GALNT1: variants seen among roughly 807,000 people sequenced by gnomAD.
GALNT1 encodes polypeptide N-acetylgalactosaminyltransferase 1.
A neutral mutation model predicts 65.7 loss-of-function variants in GALNT1; 17 were observed. The observed-to-expected ratio is 0.26, with a 90% CI of 0.18 to 0.39. The LOEUF is 0.39. GALNT1 is among the 10% of genes least tolerant of loss of function. The pLI, the probability that GALNT1 is intolerant of heterozygous loss-of-function variation, is 1.00. For synonymous variants in GALNT1, 210 were observed against 219.7 expected (o/e 0.96, Z 0.39); for missense variants, 460 against 672.8 (o/e 0.68, Z 3.50).
At chr18:35,630,095 A>T (rs1475597004) in intron 1 of GALNT1, among the ~76,000 whole-genome samples, 1 of 152,178 alleles carries the variant, frequency 6.6e-6, no homozygotes, top group Non-Finnish European at 1.5e-5. Context: ...CTCCCACGCA[A>T]TAATAATGGG....
intron 2 of GALNT1, among the ~76,000 whole-genome samples, chr18:35,660,263 T>G (rs1568026318): frequency 6.6e-6 from 1 of 151,796 alleles, no homozygotes; most frequent in Non-Finnish European, 1.5e-5. Context: ...GAAACACACA[T>G]AAGAAATTTG....
intron 5 of GALNT1, among the ~76,000 whole-genome samples, chr18:35,686,231 GAGAA>G (rs1036728117): frequency 6.6e-6 from 1 of 152,138 alleles, no homozygotes; most frequent in African/African-American, 2.4e-5. Flanking sequence ...AATCTTGAGA[GAGAA>G]ATGGATAGGA....
chr18:35,589,358 A>T (rs2046416840), intron 1 of GALNT1, among the ~76,000 whole-genome samples: 1 of 152,086 alleles, frequency 6.6e-6, no homozygotes, highest in Non-Finnish European at 1.5e-5. Flanking sequence ...AGTCTAGGCT[A>T]CCCACCTGAC....
chr18:35,628,920 G>A (rs112492780), intron 1 of GALNT1, among the ~76,000 whole-genome samples: 4 of 152,178 alleles, frequency 2.6e-5, no homozygotes, highest in Admixed American at 6.5e-5. Context: ...CATGACGAAT[G>A]CGCAAGCTTC....
At chr18:35,697,370 A>G (rs1184660932) in intron 9 of GALNT1, among the ~76,000 whole-genome samples, 1 of 152,184 alleles carries the variant, frequency 6.6e-6, no homozygotes, top group African/African-American at 2.4e-5. Flanking sequence ...GGGGAGAAGG[A>G]GGTAGATTTT....
intron 3 of GALNT1, among the ~76,000 whole-genome samples, chr18:35,673,364 G>C (rs1014804780): frequency 6.6e-6 from 1 of 152,162 alleles, no homozygotes. Flanking sequence ...AGCAGTATAA[G>C]TTTTATCATA....
intron 1 of GALNT1, among the ~76,000 whole-genome samples, chr18:35,606,537 T>C (rs1239476454): frequency 1.3e-5 from 2 of 152,156 alleles, no homozygotes; most frequent in Non-Finnish European, 1.5e-5. Context: ...TAATTAGAAG[T>C]CCTCAGAGAA....
intron 1 of GALNT1, among the ~76,000 whole-genome samples, chr18:35,625,332 T>C (rs1384729275): frequency 1.3e-5 from 2 of 152,026 alleles, no homozygotes; most frequent in Admixed American, 1.3e-4. Flanking sequence ...AGGGAACCAA[T>C]AAAGAAGACT....
At chr18:35,650,307 GTCACAGAGTTCACATGCT>G (rs1187243101) in intron 1 of GALNT1, among the ~76,000 whole-genome samples, 2 of 152,122 alleles carry the variant, frequency 1.3e-5, no homozygotes, top group African/African-American at 2.4e-5. Flanking sequence ...TAGGGTGTGG[GTCACAGAGTTCACATGCT>G]TCACAAGGTA....
chr18:35,603,611 A>G (rs2046608827), intron 1 of GALNT1, among the ~76,000 whole-genome samples: 1 of 152,182 alleles, frequency 6.6e-6, no homozygotes, highest in Non-Finnish European at 1.5e-5. Context: ...TTACCTTCCC[A>G]AGACTTGTGG....
chr18:35,609,217 A>G (rs2046687137), intron 1 of GALNT1, among the ~76,000 whole-genome samples: 1 of 152,148 alleles, frequency 6.6e-6, no homozygotes, highest in Admixed American at 6.6e-5. Context: ...TGTCTTTAGA[A>G]AGTTGGTCTT....
At position 35,639,421 on chromosome 18, in the gene GALNT1, G is replaced by T. The variant is rs568726174; in HGVS notation, c.-103-15139G>T. Among the ~76,000 whole-genome samples, 3 of 152,282 alleles carry T rather than the reference G, an allele frequency of 2.0e-5. No homozygotes were observed. In the South Asian group the frequency reaches 6.2e-4, roughly 32 times the overall value. On this transcript the variant is annotated intron_variant, in intron 1 of 11. Transcript: ENST00000269195. ...ATACATTACTTTTAAAGACAATGCT[G>T]TTGCGTACACACTGCTGTATAGTAT... is the stretch of plus-strand genomic sequence containing the variant.
chr18:35,693,140 A>AGGAAGTTGAAAGAGTAC (rs528244051), intron 9 of GALNT1, among the ~76,000 whole-genome samples: 2 of 152,192 alleles, frequency 1.3e-5, no homozygotes, highest in Non-Finnish European at 2.9e-5. Context: ...GTTTTATGTA[A>AGGAAGTTGAAAGAGTAC]GGAAGTTGAA....
chr18:35,698,925 T>C (rs763963565), intron 9 of GALNT1, among the ~76,000 whole-genome samples: 1 of 152,132 alleles, frequency 6.6e-6, no homozygotes, highest in Non-Finnish European at 1.5e-5. Context: ...GAGGTTGCAG[T>C]GAGCCGATGT....
Position 35,636,192 on chromosome 18 carries a change from C to T in GALNT1, c.-103-18368C>T, listed in dbSNP as rs77247752. Among the ~76,000 whole-genome samples, 1,422 of 152,220 alleles carry T rather than the reference C, an allele frequency of 9.3e-3. 22 individuals carry two copies. Among genetic ancestry groups the T allele is most frequent in the African/African-American group, 0.033 (1,355 of 41,530 alleles). On this transcript the variant is annotated intron_variant, in intron 1 of 11. Transcript: ENST00000269195. ...TAGATTCCCATATTTTTCCTTATTG[C>T]AGAACTTTACAGACCCTTTAGTAGG... is the stretch of plus-strand genomic sequence containing the variant.
chr18:35,598,556 T>C (rs1441185861), intron 1 of GALNT1, among the ~76,000 whole-genome samples: 2 of 152,242 alleles, frequency 1.3e-5, no homozygotes, highest in African/African-American at 4.8e-5. Flanking sequence ...TTGAAAATGA[T>C]AGGATTTCAT....
chr18:35,581,108 G>A (rs1039579417), upstream of GALNT1: 9 of 152,118 alleles, frequency 5.9e-5, no homozygotes, highest in Non-Finnish European at 1.3e-4. Flanking sequence ...GGCCGCCTCA[G>A]GCAGCCGACC....
chr18:35,637,051 A>G lies in GALNT1; in HGVS notation c.-103-17509A>G, dbSNP rs528368561. 2.6e-5 allele frequency among the ~76,000 whole-genome samples: 4 copies of G among 152,146 alleles called. No homozygotes were observed. In the South Asian group the frequency reaches 8.3e-4, roughly 32 times the overall value. On this transcript the variant is annotated intron_variant, in intron 1 of 11. Coordinates refer to ENST00000269195, the MANE Select transcript of GALNT1 (RefSeq NM_020474.4). ...ACAAGACGGCAAGTTTAATCAATAA[A>G]TGTCTTTTCTGACTGCTCCGCCGAC...
At chr18:35,655,206 G>A (rs868674687) in intron 2 of GALNT1, among the ~76,000 whole-genome samples, 6 of 151,972 alleles carry the variant, frequency 3.9e-5, no homozygotes, top group Admixed American at 6.6e-5. Context: ...TCATTCCTAA[G>A]GGGAAGAAAT....
Sources: gnomAD v4.1 joint callset for allele counts (sites outside exome capture counted in the v4.1 genomes callset) on GRCh38, gnomAD v4.1.1 for gene constraint, MANE v1.5 for transcripts, NCBI Gene and HGNC (gene_info 2026-07-23, HGNC 2026-07-21) for gene names.